Variants in DLG2 observed in about 807,000 individuals in gnomAD.
DLG2 encodes disks large homolog 2.
In DLG2, 45 loss-of-function variants were observed where a neutral mutation model predicts 132.5. The observed-to-expected ratio is 0.34, with a 90% CI of 0.27 to 0.44. DLG2 has a LOEUF of 0.44. Ranked by LOEUF, DLG2 falls within the 20% of genes least tolerant of loss-of-function variation. The probability of loss-of-function intolerance (pLI) is 1.00; values close to 1 mark genes in which losing one functional copy is unlikely to be tolerated. For missense variants in DLG2, 1,045 were observed against 1,196.9 expected (o/e 0.87, Z 1.87); for synonymous variants, 424 against 419.6 (o/e 1.01, Z -0.13).
intron 18 of DLG2, chr11:83,724,908 C>A: frequency 1.4e-6 from 1 of 702,478 alleles, no homozygotes; most frequent in East Asian, 2.7e-5. Flanking sequence ...GCAGCTGCTT[C>A]CCAAATTCAG....
At chr11:84,934,515 G>GTTT (rs2048482997) in intron 6 of DLG2, among the ~76,000 whole-genome samples, 4 of 40,510 alleles carry the variant, frequency 9.9e-5, no homozygotes, top group African/African-American at 4.1e-4. Context: ...TTTTTTTTTT[G>GTTT]TTTTGTTTTG....
At chr11:84,808,779 C>A (rs1187827416) in intron 6 of DLG2, among the ~76,000 whole-genome samples, 1 of 151,822 alleles carries the variant, frequency 6.6e-6, no homozygotes, top group Non-Finnish European at 1.5e-5. Flanking sequence ...ATAAATAGCT[C>A]CATTACCTTT....
rs190075031 is a variant in DLG2, at chr11:84,635,732, C to T, written c.358-101001G>A. Among the ~76,000 whole-genome samples the T allele has an allele frequency of 2.1e-3, 326 of 152,082 alleles. 1 individual carries two copies. Among genetic ancestry groups the T allele is most frequent in the African/African-American group, 7.7e-3 (318 of 41,506 alleles). ...TTCCCTCAAGGACTCTGTCATCTTC[C>T]TCATTTTACAGATGAGGAAAGTAAA... On this transcript the variant is annotated intron_variant, in intron 6 of 27. Coordinates refer to ENST00000376104, the MANE Select transcript of DLG2 (RefSeq NM_001142699.3).
At chr11:84,921,260 C>T (rs1160968364) in intron 6 of DLG2, among the ~76,000 whole-genome samples, 1 of 152,034 alleles carries the variant, frequency 6.6e-6, no homozygotes, top group Non-Finnish European at 1.5e-5. Flanking sequence ...TAAGGAAGTG[C>T]AAGAGCTAAT....
chr11:84,585,291 G>T (rs1365757462), intron 6 of DLG2, among the ~76,000 whole-genome samples: 1 of 152,128 alleles, frequency 6.6e-6, no homozygotes, highest in Admixed American at 6.6e-5. Context: ...TAAGGAAATT[G>T]AGGCATGAAT....
intron 18 of DLG2, among the ~76,000 whole-genome samples, chr11:83,779,099 T>C (rs1309722932): frequency 6.6e-6 from 1 of 152,160 alleles, no homozygotes; most frequent in Non-Finnish European, 1.5e-5. Context: ...TAGAATATGA[T>C]AACTAGATTA....
intron 9 of DLG2, among the ~76,000 whole-genome samples, chr11:84,114,476 A>G (rs1262849422): frequency 1.3e-5 from 2 of 152,196 alleles, no homozygotes; most frequent in Non-Finnish European, 2.9e-5. Flanking sequence ...GAGCTGAGGC[A>G]GCAGAGTGCT....
At chr11:84,682,181 G>A (rs990466237) in intron 6 of DLG2, among the ~76,000 whole-genome samples, 2 of 152,090 alleles carry the variant, frequency 1.3e-5, no homozygotes, top group Non-Finnish European at 2.9e-5. Context: ...CTCCAACACT[G>A]GTAATCAAAT....
At chr11:84,192,825 G>T (rs1001543383) in intron 8 of DLG2, among the ~76,000 whole-genome samples, 1 of 152,076 alleles carries the variant, frequency 6.6e-6, no homozygotes, top group African/African-American at 2.4e-5. Context: ...CATCTCAGAG[G>T]ACTGCAAATG....
chr11:84,263,160 G>T (rs1209662320), intron 7 of DLG2, among the ~76,000 whole-genome samples: 2 of 152,092 alleles, frequency 1.3e-5, no homozygotes, highest in Admixed American at 6.6e-5. Context: ...AATGGCTTCT[G>T]AAAGTCCACT....
chr11:84,286,886 A>G lies in DLG2; in HGVS notation c.520-35595T>C, dbSNP rs75015262. Among the ~76,000 whole-genome samples the G allele has an allele frequency of 1.2e-3, 182 of 152,258 alleles. 1 individual carries two copies. Among genetic ancestry groups the G allele is most frequent in the African/African-American group, 4.1e-3 (172 of 41,544 alleles). Reference sequence around the variant, plus strand: ...CTAAGCTTTCCCATCTCTCTGCAGAAGCAGAGAGGATAGTTAAGCGTACAT... The same window carrying G: ...CTAAGCTTTCCCATCTCTCTGCAGAGGCAGAGAGGATAGTTAAGCGTACAT... On this transcript the variant is annotated intron_variant, in intron 7 of 27. Coordinates refer to ENST00000376104, the MANE Select transcript of DLG2 (RefSeq NM_001142699.3).
chr11:83,483,408 C>T (rs2093283105), intron 22 of DLG2: 2 of 763,990 alleles, frequency 2.6e-6, no homozygotes, highest in African/African-American at 1.8e-5. Context: ...ACCGTGCTGC[C>T]TTAACAATCT....
intron 6 of DLG2, among the ~76,000 whole-genome samples, chr11:84,768,854 C>T (rs1360192878): frequency 2.0e-5 from 3 of 152,028 alleles, no homozygotes; most frequent in Non-Finnish European, 2.9e-5. Context: ...CCAGAAATCT[C>T]TCTCTAGGCC....
At chr11:85,458,833 A>C (rs571035909) in intron 3 of DLG2, among the ~76,000 whole-genome samples, 1 of 152,220 alleles carries the variant, frequency 6.6e-6, no homozygotes, top group South Asian at 2.1e-4. Context: ...CTTTGAAAGT[A>C]TGGGTTCCTC....
chr11:84,012,947 A>G (rs1187149567), intron 11 of DLG2, among the ~76,000 whole-genome samples: 1 of 151,982 alleles, frequency 6.6e-6, no homozygotes, highest in Non-Finnish European at 1.5e-5. Flanking sequence ...CTATGATGTT[A>G]TTACTTCTAT....
At chr11:85,021,427 G>A (rs998475230) in intron 6 of DLG2, 30 of 1,396,130 alleles carry the variant, frequency 2.1e-5, no homozygotes, top group African/African-American at 1.6e-4. Context: ...AACCTGGTCA[G>A]CAATCATTCT....
chr11:83,929,694 T>G (rs1295876803), intron 15 of DLG2, among the ~76,000 whole-genome samples: 1 of 152,176 alleles, frequency 6.6e-6, no homozygotes, highest in East Asian at 1.9e-4. Context: ...GAACTTCTAT[T>G]TCTTAAAATA....
At chr11:85,387,077 AG>A (rs1477614144) in intron 3 of DLG2, among the ~76,000 whole-genome samples, 4 of 151,954 alleles carry the variant, frequency 2.6e-5, no homozygotes, top group Non-Finnish European at 4.4e-5. Flanking sequence ...TAGTAGAGAC[AG>A]GGTTTCACCT....
At chr11:83,956,600 A>G (rs980852459) in intron 14 of DLG2, among the ~76,000 whole-genome samples, 1 of 152,228 alleles carries the variant, frequency 6.6e-6, no homozygotes, top group African/African-American at 2.4e-5. Flanking sequence ...CCAAGTAGAC[A>G]GGGTGCCCCT....
Sources: gnomAD v4.1 joint callset for allele counts (sites outside exome capture counted in the v4.1 genomes callset) on GRCh38, gnomAD v4.1.1 for gene constraint, MANE v1.5 for transcripts, NCBI Gene and HGNC (gene_info 2026-07-23, HGNC 2026-07-21) for gene names.